HS3ST4: variants seen among roughly 807,000 people sequenced by gnomAD.
HS3ST4 encodes heparan sulfate glucosamine 3-O-sulfotransferase 4.
A neutral mutation model predicts 29.2 loss-of-function variants in HS3ST4; 17 were observed. That is an observed-to-expected ratio of 0.58 (90% CI 0.40 to 0.87). The LOEUF is 0.87. Among genes scored for constraint, HS3ST4 ranks in the 40% least tolerant of loss-of-function variants. The pLI, the probability that HS3ST4 is intolerant of heterozygous loss-of-function variation, is 0.00. For synonymous variants in HS3ST4, 314 were observed against 285.7 expected (o/e 1.10, Z -1.00); for missense variants, 627 against 634.5 (o/e 0.99, Z 0.13).
rs1359492578 is a variant in HS3ST4 at position 26,058,029 on chromosome 16, T to A, written c.735-77583T>A. ...GCAATCTGAGAAGTCCTCTCTGAGA[T>A]TTAATCAGGTCCTGATGGAGGAGTC... On this transcript the variant is annotated intron_variant, in intron 1 of 1. Coordinates refer to ENST00000331351, the MANE Select transcript of HS3ST4 (RefSeq NM_006040.3). 5.9e-5 allele frequency among the ~76,000 whole-genome samples: 9 copies of A among 152,002 alleles called. 1 individual carries two copies. The highest frequency in any genetic ancestry group is 5.9e-4 in the Admixed American group (9 of 15,276).
chr16:26,040,399 G>A (rs1236570107), intron 1 of HS3ST4, among the ~76,000 whole-genome samples: 1 of 151,228 alleles, frequency 6.6e-6, no homozygotes, highest in Non-Finnish European at 1.5e-5. Flanking sequence ...TGCTTACTGT[G>A]TTCAAGGGAT....
chr16:26,133,745 C>T (rs570063927), intron 1 of HS3ST4, among the ~76,000 whole-genome samples: 2 of 152,182 alleles, frequency 1.3e-5, no homozygotes, highest in East Asian at 1.9e-4. Flanking sequence ...TCTCCACACA[C>T]GCGATAGTAA....
chr16:25,693,068 C>G lies in HS3ST4; in HGVS notation c.651C>G (p.Ile217Met). ...KGGTRALLEA[I>M]RVHPDVRAVG... ...GGACCCGCGCGCTGCTGGAGGCGAT[C>G]CGCGTGCACCCGGACGTGCGGGCGG... The change falls in exon 1 of 2, where the codon ATC becomes ATG. Residue 217 changes from isoleucine to methionine, a missense_variant. By Grantham distance (10) the Ile-to-Met change is conservative (BLOSUM62 1). Transcript: ENST00000331351. The G allele has an allele frequency of 1.2e-6, 2 of 1,608,454 alleles. No individual in the cohort carries two copies. Among genetic ancestry groups the G allele is most frequent in the South Asian group, 1.1e-5 (1 of 90,536 alleles).
At chr16:25,935,744 G>T (rs1208625882) in intron 1 of HS3ST4, among the ~76,000 whole-genome samples, 1 of 152,094 alleles carries the variant, frequency 6.6e-6, no homozygotes, top group Non-Finnish European at 1.5e-5. Flanking sequence ...TTGTTTCCAA[G>T]TTTTGGCAAT....
intron 1 of HS3ST4, among the ~76,000 whole-genome samples, chr16:26,076,431 G>T (rs1018674678): frequency 2.6e-5 from 4 of 152,158 alleles, no homozygotes; most frequent in Non-Finnish European, 5.9e-5. Context: ...AGTGTCTTAG[G>T]CTCATTATTA....
chr16:26,074,085 C>T (rs981837181), intron 1 of HS3ST4, among the ~76,000 whole-genome samples: 7 of 152,132 alleles, frequency 4.6e-5, no homozygotes, highest in African/African-American at 9.7e-5. Flanking sequence ...TTCCGGTTTC[C>T]GAACAAAAAG....
chr16:25,823,501 T>C lies in HS3ST4; in HGVS notation c.734+130350T>C, dbSNP rs993895400. Among the ~76,000 whole-genome samples, 3 of 152,332 alleles carry C rather than the reference T, an allele frequency of 2.0e-5. 1 individual carries two copies. Among genetic ancestry groups the C allele is most frequent in the South Asian group, 4.1e-4 (2 of 4,826 alleles). On this transcript the variant is annotated intron_variant, in intron 1 of 1. Transcript: ENST00000331351. ...TCCTTTCATCATTTAGGATGATTTA[T>C]TATTTATTGGAATTATAAGATTTTC...
intron 1 of HS3ST4, among the ~76,000 whole-genome samples, chr16:25,762,935 G>A (rs570627154): frequency 6.7e-6 from 1 of 149,706 alleles, no homozygotes; most frequent in African/African-American, 2.5e-5. Flanking sequence ...AGAAGGGCCA[G>A]GTGCCCAGGC....
At chr16:25,749,694 C>T (rs1214380361) in intron 1 of HS3ST4, among the ~76,000 whole-genome samples, 5 of 152,134 alleles carry the variant, frequency 3.3e-5, no homozygotes, top group African/African-American at 4.8e-5. Context: ...TAGCTTTCTA[C>T]CTCATGAGAT....
In HS3ST4 at chr16:25,921,792, T is replaced by A. The variant is rs566022224; in HGVS notation, c.735-213820T>A. 7.1e-4 allele frequency among the ~76,000 whole-genome samples: 108 copies of A among 151,714 alleles called. 1 individual carries two copies. Among genetic ancestry groups the A allele is most frequent in the African/African-American group, 2.4e-3 (100 of 41,322 alleles). ...TTTTTTGAGACAGGGTTCTGCTCTG[T>A]CACCCAGGCTAGAATACAGTGTCTC... On this transcript the variant is annotated intron_variant, in intron 1 of 1. Transcript: ENST00000331351.
At chr16:25,750,198 A>G (rs1966710105) in intron 1 of HS3ST4, among the ~76,000 whole-genome samples, 1 of 152,176 alleles carries the variant, frequency 6.6e-6, no homozygotes, top group Non-Finnish European at 1.5e-5. Flanking sequence ...GCGTTTCTAC[A>G]TATGGCCTCT....
intron 1 of HS3ST4, among the ~76,000 whole-genome samples, chr16:25,999,904 T>TA (rs1567290846): frequency 1.4e-5 from 2 of 138,264 alleles, no homozygotes; most frequent in African/African-American, 5.3e-5. Context: ...ATTTTATATA[T>TA]ATATATATAT....
intron 1 of HS3ST4, among the ~76,000 whole-genome samples, chr16:26,023,473 C>T (rs567895644): frequency 4.6e-4 from 70 of 152,066 alleles, no homozygotes; most frequent in African/African-American, 1.7e-3. Flanking sequence ...GATCATAGCC[C>T]ACTGCAACCT....
At chr16:25,870,604 C>T (rs1297895569) in intron 1 of HS3ST4, among the ~76,000 whole-genome samples, 1 of 150,852 alleles carries the variant, frequency 6.6e-6, no homozygotes, top group Admixed American at 6.6e-5. Flanking sequence ...CAGGTGGGAG[C>T]ATGTCTTTTG....
intron 1 of HS3ST4, among the ~76,000 whole-genome samples, chr16:25,841,402 G>A (rs1372518096): frequency 1.3e-5 from 2 of 152,034 alleles, no homozygotes; most frequent in Admixed American, 1.3e-4. Context: ...CCAGGCTCAG[G>A]GGATCCTCCC....
intron 1 of HS3ST4, among the ~76,000 whole-genome samples, chr16:25,711,953 T>C (rs986128451): frequency 6.6e-6 from 1 of 152,206 alleles, no homozygotes; most frequent in African/African-American, 2.4e-5. Flanking sequence ...TTAATACTTA[T>C]AAAGTATACA....
chr16:25,884,867 G>C lies in HS3ST4; in HGVS notation c.734+191716G>C, dbSNP rs562633732. 2.6e-5 allele frequency among the ~76,000 whole-genome samples: 4 copies of C among 152,246 alleles called. No individual in the cohort carries two copies. The South Asian group carries it at 8.3e-4, about 32-fold the overall frequency. Reference sequence around the variant, plus strand: ...TAGGATTACAGGCGTCAACCACTGCGCCCGGCCGAGGTTAAGTATTTTGTA... The same window carrying C: ...TAGGATTACAGGCGTCAACCACTGCCCCCGGCCGAGGTTAAGTATTTTGTA... On this transcript the variant is annotated intron_variant, in intron 1 of 1. Transcript: ENST00000331351.
chr16:25,920,286 T>C (rs867152718), intron 1 of HS3ST4, among the ~76,000 whole-genome samples: 2 of 152,270 alleles, frequency 1.3e-5, no homozygotes, highest in Middle Eastern at 3.4e-3. Flanking sequence ...TACAGGTAAG[T>C]TATATTGTAC....
At chr16:25,937,202 T>A (rs12935691) in intron 1 of HS3ST4, among the ~76,000 whole-genome samples, 41,985 of 151,484 alleles carry the variant, frequency 0.28, 6,136 homozygotes, top group Admixed American at 0.38. Context: ...AGAAAGTAGG[T>A]GGAAGAACTA....
Sources: allele counts gnomAD v4.1 joint callset (sites outside exome capture counted in the v4.1 genomes callset), GRCh38; gene constraint gnomAD v4.1.1; transcripts MANE v1.5; gene names NCBI Gene and HGNC (gene_info 2026-07-23, HGNC 2026-07-21).